Variants in SGMS1 observed in about 807,000 individuals in gnomAD.
SGMS1 encodes the protein sphingomyelin synthase 1, also known as phosphatidylcholine:ceramide cholinephosphotransferase 1.
In SGMS1, 13 loss-of-function variants were observed where a neutral mutation model predicts 46.2. The ratio of observed to expected loss-of-function variants is 0.28; its 90% confidence interval spans 0.18 to 0.45. The LOEUF is 0.45. Ranked by LOEUF, SGMS1 falls within the 20% of genes least tolerant of loss-of-function variation. The pLI, the probability that SGMS1 is intolerant of heterozygous loss-of-function variation, is 1.00. For missense variants in SGMS1, 324 were observed against 519.9 expected, an observed-to-expected ratio of 0.62 and a Z score of 3.66; for synonymous variants, 203 against 187.8, an observed-to-expected ratio of 1.08 and a Z score of -0.66.
intron 6 of SGMS1, among the ~76,000 whole-genome samples, chr10:50,366,900 C>A (rs1000701426): frequency 6.6e-6 from 1 of 152,066 alleles, no homozygotes; most frequent in African/African-American, 2.4e-5. Context: ...TGTATACATA[C>A]CTATGTAACA....
At chr10:50,521,078 G>GT (rs1837853435) in intron 2 of SGMS1, among the ~76,000 whole-genome samples, 1 of 151,824 alleles carries the variant, frequency 6.6e-6, no homozygotes, top group Non-Finnish European at 1.5e-5. Context: ...GTCTTGCTAT[G>GT]TGCTGGGTCT....
At chr10:50,322,838 CAAAAAAAAAAAA>C (rs58049533) in intron 8 of SGMS1, among the ~76,000 whole-genome samples, 1 of 51,324 alleles carries the variant, frequency 1.9e-5, no homozygotes, top group African/African-American at 6.5e-5. Flanking sequence ...GACTCCGTCT[CAAAAAAAAAAAA>C]AAAAAAAAAA....
intron 8 of SGMS1, 71 bp from the exon 9 acceptor site, chr10:50,311,486 T>C: frequency 1.4e-6 from 2 of 1,442,870 alleles, no homozygotes; most frequent in South Asian, 1.2e-5. Flanking sequence ...CGAAGATTAC[T>C]ATTCATATCC....
chr10:50,441,224 C>T (rs897387786), intron 5 of SGMS1, among the ~76,000 whole-genome samples: 8 of 152,178 alleles, frequency 5.3e-5, no homozygotes, highest in Admixed American at 2.0e-4. Context: ...ATGTGAATAG[C>T]GAGTTTGGGA....
chr10:50,442,748 T>C (rs1366835539), intron 5 of SGMS1, among the ~76,000 whole-genome samples: 2 of 152,256 alleles, frequency 1.3e-5, no homozygotes, highest in African/African-American at 4.8e-5. Flanking sequence ...AAGTTCCTTA[T>C]AGATTCTGGA....
chr10:50,499,646 G>A (rs149210146), intron 3 of SGMS1, among the ~76,000 whole-genome samples: 2 of 152,206 alleles, frequency 1.3e-5, no homozygotes, highest in East Asian at 3.9e-4. Flanking sequence ...AATAAACAGT[G>A]GTAGCATATC....
intron 2 of SGMS1, among the ~76,000 whole-genome samples, chr10:50,544,599 C>A (rs532205356): frequency 1.3e-5 from 2 of 152,268 alleles, no homozygotes; most frequent in East Asian, 3.9e-4. Context: ...TCAGATCTGA[C>A]TAACTGCAAA....
At chr10:50,443,469 G>C (rs1431968190) in intron 5 of SGMS1, among the ~76,000 whole-genome samples, 1 of 151,748 alleles carries the variant, frequency 6.6e-6, no homozygotes, top group African/African-American at 2.4e-5. Flanking sequence ...TTCGAAACAG[G>C]TGTCCAGAAA....
chr10:50,490,893 A>G (rs3011715), intron 3 of SGMS1, among the ~76,000 whole-genome samples: 130,555 of 152,220 alleles, frequency 0.86, 56,246 homozygotes, highest in East Asian at 1. Context: ...ATGGAACCTA[A>G]ATACACATGT....
At chr10:50,309,117 G>C (rs1279083807) in intron 9 of SGMS1, among the ~76,000 whole-genome samples, 1 of 152,152 alleles carries the variant, frequency 6.6e-6, no homozygotes. Flanking sequence ...AGGTGTTAAA[G>C]GCTGTGGAAA....
At chr10:50,621,051 G>A (rs1377272455) in intron 1 of SGMS1, among the ~76,000 whole-genome samples, 3 of 151,976 alleles carry the variant, frequency 2.0e-5, no homozygotes, top group South Asian at 4.1e-4. Flanking sequence ...TGGTGCGTGC[G>A]TGTAGTCCCA....
intron 6 of SGMS1, among the ~76,000 whole-genome samples, chr10:50,398,836 AT>A (rs1564901669): frequency 6.6e-6 from 1 of 152,112 alleles, no homozygotes; most frequent in Non-Finnish European, 1.5e-5. Flanking sequence ...CAGTACCCTA[AT>A]ATAATAGACA....
rs183473751 is a variant in SGMS1, at chr10:50,466,233, A to G, written c.-455+657T>C. Among the ~76,000 whole-genome samples, 4 of 152,286 alleles carry G rather than the reference A, an allele frequency of 2.6e-5. No individual in the cohort carries two copies. The East Asian group carries it at 7.7e-4, about 29-fold the overall frequency. On this transcript the variant is annotated intron_variant, in intron 4 of 10. Coordinates refer to ENST00000361781, the MANE Select transcript of SGMS1 (RefSeq NM_147156.4). ...GGGGCAATAAGAGTATAAAAAGAAC[A>G]AAGAATGGCTATTAGAGTACTATTT...
chr10:50,585,029 C>T (rs902405955), intron 2 of SGMS1, among the ~76,000 whole-genome samples: 1 of 152,168 alleles, frequency 6.6e-6, no homozygotes, highest in Non-Finnish European at 1.5e-5. Context: ...AAATGCTACA[C>T]AGGTGTAAAA....
At chr10:50,549,786 C>T (rs575774403) in intron 2 of SGMS1, among the ~76,000 whole-genome samples, 4 of 152,262 alleles carry the variant, frequency 2.6e-5, no homozygotes, top group Admixed American at 2.6e-4. Context: ...AAAGTGTAGT[C>T]ACATGTGTTC....
chr10:50,615,805 G>A (rs1838791110), intron 1 of SGMS1, among the ~76,000 whole-genome samples: 2 of 152,126 alleles, frequency 1.3e-5, no homozygotes, highest in Non-Finnish European at 1.5e-5. Context: ...AAACTTCACA[G>A]AGCAGAATCT....
At chr10:50,541,060 A>G (rs1039226713) in intron 2 of SGMS1, among the ~76,000 whole-genome samples, 5 of 152,214 alleles carry the variant, frequency 3.3e-5, no homozygotes, top group African/African-American at 9.6e-5. Flanking sequence ...CTTCAGATAC[A>G]TTCAATTAGA....
At position 50,502,322 on chromosome 10, in the gene SGMS1, A is replaced by AT. The variant is rs1179487198; in HGVS notation, c.-498+17508_-498+17509insA. On this transcript the variant is annotated intron_variant, in intron 3 of 10. Coordinates refer to ENST00000361781, the MANE Select transcript of SGMS1 (RefSeq NM_147156.4). ...ATGAGGAAAGAAAAAAAAAAAAAAAAACCAGCACAGCAGGAGAAGTCAGTA... is the reference window on the plus strand; with the variant it reads ...ATGAGGAAAGAAAAAAAAAAAAAAAATACCAGCACAGCAGGAGAAGTCAGTA... Among the ~76,000 whole-genome samples, 196 of 151,584 alleles carry AT rather than the reference A, an allele frequency of 1.3e-3. 1 individual carries two copies. Among genetic ancestry groups the AT allele is most frequent in the African/African-American group, 4.6e-3 (188 of 41,318 alleles).
chr10:50,354,335 T>A (rs866814330), intron 6 of SGMS1, among the ~76,000 whole-genome samples: 8 of 152,232 alleles, frequency 5.3e-5, no homozygotes, highest in African/African-American at 1.7e-4. Flanking sequence ...AAACAAGAAA[T>A]GGGGAATGGA....
Sources: allele counts gnomAD v4.1 joint callset (sites outside exome capture counted in the v4.1 genomes callset), GRCh38; gene constraint gnomAD v4.1.1; transcripts MANE v1.5; gene names NCBI Gene and HGNC (gene_info 2026-07-23, HGNC 2026-07-21).